Variants in CPQ observed in about 807,000 individuals in gnomAD.
The protein encoded by CPQ is Ser-Met dipeptidase.
Under a neutral mutation model 45.7 loss-of-function variants are expected in CPQ, and 37 were observed. The observed-to-expected ratio is 0.81, with a 90% CI of 0.62 to 1.07. CPQ has a LOEUF of 1.07. CPQ is among the 50% of genes least tolerant of loss of function. The probability of loss-of-function intolerance (pLI) is 0.00; values close to 1 mark genes in which losing one functional copy is unlikely to be tolerated. For missense variants in CPQ, 537 were observed against 572.9 expected (o/e 0.94, Z 0.64); for synonymous variants, 186 against 205.8 (o/e 0.90, Z 0.82).
chr8:97,099,813 T>A (rs1387226905), intron 7 of CPQ, among the ~76,000 whole-genome samples: 4 of 152,220 alleles, frequency 2.6e-5, no homozygotes, highest in Admixed American at 1.3e-4. Flanking sequence ...TTCTTCCTTA[T>A]AATTTCTTTA....
intron 2 of CPQ, among the ~76,000 whole-genome samples, chr8:96,806,929 C>T (rs968840578): frequency 1.3e-5 from 2 of 152,046 alleles, no homozygotes; most frequent in African/African-American, 4.8e-5. Flanking sequence ...CATTGCATGC[C>T]TATATCAAAT....
chr8:96,910,154 G>T (rs12547542), intron 4 of CPQ, among the ~76,000 whole-genome samples: 50,052 of 151,968 alleles, frequency 0.33, 8,493 homozygotes, highest in East Asian at 0.52. Context: ...CCATTGTGTG[G>T]CCGGTCTGTG....
intron 7 of CPQ, among the ~76,000 whole-genome samples, chr8:97,109,011 C>T (rs1193174559): frequency 6.6e-6 from 1 of 152,176 alleles, no homozygotes; most frequent in African/African-American, 2.4e-5. Context: ...TTCAGAGATG[C>T]TCTCCTTCAA....
chr8:96,845,634 C>T (rs1360286141), intron 3 of CPQ, among the ~76,000 whole-genome samples: 1 of 152,024 alleles, frequency 6.6e-6, no homozygotes, highest in Non-Finnish European at 1.5e-5. Context: ...AGACACAAGG[C>T]ACAATGCCTG....
At chr8:96,946,702 T>C (rs1230901246) in intron 4 of CPQ, among the ~76,000 whole-genome samples, 1 of 151,380 alleles carries the variant, frequency 6.6e-6, no homozygotes, top group Non-Finnish European at 1.5e-5. Flanking sequence ...AAATGGAGCT[T>C]CCTGGGTCAG....
chr8:96,701,602 C>G (rs1331820666), intron 1 of CPQ, among the ~76,000 whole-genome samples: 2 of 152,122 alleles, frequency 1.3e-5, no homozygotes, highest in African/African-American at 2.4e-5. Context: ...TTGTCCTGAT[C>G]AGAAAGATGA....
At chr8:97,059,355 C>T (rs1342614562) in intron 6 of CPQ, among the ~76,000 whole-genome samples, 1 of 152,126 alleles carries the variant, frequency 6.6e-6, no homozygotes. Context: ...AGGTTTCCCG[C>T]TCTGTCTGCA....
chr8:96,829,497 G>T (rs1811422108), intron 2 of CPQ, among the ~76,000 whole-genome samples: 1 of 152,028 alleles, frequency 6.6e-6, no homozygotes, highest in African/African-American at 2.4e-5. Flanking sequence ...AAATACCTTG[G>T]TTAAAAGTTG....
chr8:97,071,527 C>T (rs1335352216), intron 7 of CPQ, among the ~76,000 whole-genome samples: 1 of 152,138 alleles, frequency 6.6e-6, no homozygotes, highest in African/African-American at 2.4e-5. Flanking sequence ...CCTGTTTACT[C>T]CAAATCCCTG....
At chr8:96,729,292 C>T (rs1809880656) in intron 1 of CPQ, among the ~76,000 whole-genome samples, 1 of 152,184 alleles carries the variant, frequency 6.6e-6, no homozygotes, top group South Asian at 2.1e-4. Flanking sequence ...ATGCTGTCTT[C>T]TCCTGGAGGA....
intron 6 of CPQ, among the ~76,000 whole-genome samples, chr8:97,033,027 A>G (rs1056803749): frequency 1.3e-5 from 2 of 152,152 alleles, no homozygotes; most frequent in African/African-American, 4.8e-5. Context: ...TTGCAGAGCA[A>G]GTGGATTTCA....
intron 5 of CPQ, among the ~76,000 whole-genome samples, chr8:97,000,599 G>C (rs1193060864): frequency 1.3e-5 from 2 of 151,890 alleles, no homozygotes; most frequent in Non-Finnish European, 2.9e-5. Context: ...ATTGATCTAT[G>C]TGTCTGTTTT....
chr8:97,047,588 A>G (rs1462596930), intron 6 of CPQ, among the ~76,000 whole-genome samples: 1 of 152,218 alleles, frequency 6.6e-6, no homozygotes, highest in Non-Finnish European at 1.5e-5. Context: ...ATAAAAATAA[A>G]TATTTGTATT....
At position 96,731,214 on chromosome 8, in the gene CPQ, A is replaced by G. The variant is rs1338760098; in HGVS notation, c.-34-53650A>G. Among the ~76,000 whole-genome samples, 4 of 152,134 alleles carry G rather than the reference A, an allele frequency of 2.6e-5. No individual in the cohort carries two copies. In the East Asian group the frequency reaches 7.7e-4, roughly 29 times the overall value. Reference sequence around the variant, plus strand: ...CTTATTAACTGTATGACTTTGGACAACTATAAACTCTCTGAACCTCAGTTC... The same window carrying G: ...CTTATTAACTGTATGACTTTGGACAGCTATAAACTCTCTGAACCTCAGTTC... On this transcript the variant is annotated intron_variant, in intron 1 of 7. Coordinates refer to ENST00000220763, the MANE Select transcript of CPQ (RefSeq NM_016134.4).
chr8:97,098,574 T>C (rs1413357756), intron 7 of CPQ, among the ~76,000 whole-genome samples: 3 of 152,144 alleles, frequency 2.0e-5, no homozygotes, highest in Non-Finnish European at 4.4e-5. Context: ...CCCAGAGCCA[T>C]ATTCCTGCTT....
chr8:96,787,525 C>CTTTTTTTTTTTTTTTATTTTTTTTTTTTT (rs1810785219), intron 2 of CPQ, among the ~76,000 whole-genome samples: 1 of 47,594 alleles, frequency 2.1e-5, no homozygotes. Flanking sequence ...CTTATAATGT[C>CTTTTTTTTTTTTTTTATTTTTTTTTTTTT]TTTTTTTTTT....
rs190804717 is a variant in CPQ, at chr8:96,687,357, C to T, written c.-35+41955C>T. Among the ~76,000 whole-genome samples the T allele has an allele frequency of 5.1e-4, 78 of 151,936 alleles. 1 individual carries two copies. The highest frequency in any genetic ancestry group is 1.7e-3 in the African/African-American group (71 of 41,482). On this transcript the variant is annotated intron_variant, in intron 1 of 7. Transcript: ENST00000220763. ...TCTCCTGAGTAGCTGGGATTACAGA[C>T]GCACACCACCACTCCTGGCTAATTT...
chr8:96,652,350 C>T (rs1316210243), intron 1 of CPQ, among the ~76,000 whole-genome samples: 4 of 152,170 alleles, frequency 2.6e-5, no homozygotes, highest in Non-Finnish European at 4.4e-5. Context: ...GCATATGTGC[C>T]ACCTATTCTT....
chr8:96,908,705 A>G (rs545838067), intron 4 of CPQ, among the ~76,000 whole-genome samples: 16 of 151,598 alleles, frequency 1.1e-4, no homozygotes, highest in Non-Finnish European at 1.9e-4. Context: ...CCTTACTGGA[A>G]AAATTATGCA....
Sources: gnomAD v4.1 joint callset for allele counts (sites outside exome capture counted in the v4.1 genomes callset) on GRCh38, gnomAD v4.1.1 for gene constraint, MANE v1.5 for transcripts, NCBI Gene and HGNC (gene_info 2026-07-23, HGNC 2026-07-21) for gene names.